Variants in OR2L13 observed in about 807,000 individuals in gnomAD.
OR2L13 encodes olfactory receptor 2L13.
A neutral mutation model predicts 15.3 loss-of-function variants in OR2L13; 14 were observed. The ratio of observed to expected loss-of-function variants is 0.91; its 90% CI spans 0.60 to 1.43. OR2L13 has a LOEUF of 1.43. Among genes scored for constraint, OR2L13 ranks in the 40% most tolerant of loss-of-function variants. The pLI is 0.00. For synonymous variants in OR2L13, 152 were observed against 142.9 expected, an observed-to-expected ratio of 1.06 and a Z score of -0.45; for missense variants, 367 against 387.9, an observed-to-expected ratio of 0.95 and a Z score of 0.45.
chr1:248,069,504 T>C, the OR2L13 span, among the ~76,000 whole-genome samples: 251 of 152,274 alleles, frequency 1.6e-3, no homozygotes, highest in African/African-American at 5.7e-3. Flanking sequence ...CAACCGGTAC[T>C]AGCCACTGCA....
the OR2L13 span, among the ~76,000 whole-genome samples, chr1:248,087,712 G>T: frequency 6.6e-6 from 1 of 152,130 alleles, no homozygotes; most frequent in Admixed American, 6.6e-5. Context: ...TTTGGCAAGG[G>T]AATACAGATT....
the OR2L13 span, among the ~76,000 whole-genome samples, chr1:248,028,528 G>A: frequency 6.6e-6 from 1 of 152,206 alleles, no homozygotes; most frequent in Non-Finnish European, 1.5e-5. Flanking sequence ...CAAATGGACT[G>A]AATACAGACA....
chr1:248,077,815 C>T, the OR2L13 span, among the ~76,000 whole-genome samples: 1 of 152,016 alleles, frequency 6.6e-6, no homozygotes, highest in African/African-American at 2.4e-5. Flanking sequence ...TTTATTAGTA[C>T]ATAAAAACTA....
At chr1:248,054,074 G>A in the OR2L13 span, among the ~76,000 whole-genome samples, 1 of 151,990 alleles carries the variant, frequency 6.6e-6, no homozygotes, top group Admixed American at 6.6e-5. Flanking sequence ...TTTCTTCTAG[G>A]GCTTTTATAG....
the OR2L13 span, among the ~76,000 whole-genome samples, chr1:247,980,070 A>G: frequency 6.6e-6 from 1 of 152,164 alleles, no homozygotes; most frequent in South Asian, 2.1e-4. Context: ...GACTAATGTT[A>G]CTTTTTCAAG....
the OR2L13 span, chr1:248,024,230 T>A: frequency 6.6e-6 from 1 of 152,106 alleles, no homozygotes. Context: ...GAATTTGTAA[T>A]GATAGCCATT....
At chr1:247,974,347 A>T in the OR2L13 span, among the ~76,000 whole-genome samples, 1 of 152,050 alleles carries the variant, frequency 6.6e-6, no homozygotes, top group African/African-American at 2.4e-5. Flanking sequence ...TGATGGATTG[A>T]TGGATGCAAC....
the OR2L13 span, chr1:248,003,958 C>G: frequency 3.1e-6 from 5 of 1,613,916 alleles, no homozygotes; most frequent in Admixed American, 1.7e-5. Context: ...TGGCTGTCTT[C>G]TACACCACCC....
the OR2L13 span, among the ~76,000 whole-genome samples, chr1:248,058,818 A>G: frequency 1.3e-5 from 2 of 152,002 alleles, no homozygotes; most frequent in Admixed American, 6.5e-5. Context: ...TGTTCCTCCA[A>G]TATGATTTCC....
At chr1:248,047,343 T>C in the OR2L13 span, among the ~76,000 whole-genome samples, 714 of 152,270 alleles carry the variant, frequency 4.7e-3, 7 homozygotes, top group African/African-American at 0.016. Context: ...TTTTACCTTA[T>C]ATGAATCCAG....
At chr1:247,968,090 A>G in the OR2L13 span, among the ~76,000 whole-genome samples, 6 of 152,150 alleles carry the variant, frequency 3.9e-5, no homozygotes, top group Non-Finnish European at 8.8e-5. Flanking sequence ...GTTTGTGTGT[A>G]AAAAGCATAT....
At chr1:248,039,216 C>T in the OR2L13 span, 2 of 1,596,420 alleles carry the variant, frequency 1.3e-6, no homozygotes, top group Middle Eastern at 3.4e-4. Context: ...GACATACGTT[C>T]TGTGTTAGAG....
the OR2L13 span, among the ~76,000 whole-genome samples, chr1:247,969,847 A>T: frequency 6.6e-6 from 1 of 152,168 alleles, no homozygotes; most frequent in Non-Finnish European, 1.5e-5. Flanking sequence ...GAGCCATGGA[A>T]TACTAGGAAC....
At chr1:248,101,036 G>A in exon 3 of OR2L13, 1 of 152,122 alleles carries the variant, frequency 6.6e-6, no homozygotes, top group East Asian at 1.9e-4. Flanking sequence ...TTCAGGGAGA[G>A]CTTATCTGAC....
At chr1:248,031,689 C>A in the OR2L13 span, among the ~76,000 whole-genome samples, 48 of 152,162 alleles carry the variant, frequency 3.2e-4, no homozygotes, top group African/African-American at 1.2e-3. Flanking sequence ...GGTTCCTTCT[C>A]TAGAACTTTT....
chr1:247,980,089 C>A, the OR2L13 span, among the ~76,000 whole-genome samples: 1 of 151,860 alleles, frequency 6.6e-6, no homozygotes, highest in Admixed American at 6.6e-5. Context: ...AGATAGAAGG[C>A]ATAATTAATT....
chr1:247,967,727 A>G, the OR2L13 span, among the ~76,000 whole-genome samples: 1 of 151,826 alleles, frequency 6.6e-6, no homozygotes, highest in East Asian at 1.9e-4. Flanking sequence ...TTACCTACCT[A>G]TTTAAATATG....
the OR2L13 span, among the ~76,000 whole-genome samples, chr1:248,076,877 A>G: frequency 2.6e-5 from 4 of 152,108 alleles, no homozygotes; most frequent in Admixed American, 6.5e-5. Flanking sequence ...TTCCAACACT[A>G]TGTTGAATAG....
chr1:248,068,484 A>G, the OR2L13 span, among the ~76,000 whole-genome samples: 5 of 152,190 alleles, frequency 3.3e-5, no homozygotes, highest in Non-Finnish European at 2.9e-5. Flanking sequence ...CATCCACATC[A>G]AAAACCCATC....
Sources: allele counts gnomAD v4.1 joint callset (sites outside exome capture counted in the v4.1 genomes callset), GRCh38; gene constraint gnomAD v4.1.1; transcripts MANE v1.5; gene names NCBI Gene and HGNC (gene_info 2026-07-23, HGNC 2026-07-21).